Variants in LRIG1 observed in about 807,000 individuals in gnomAD.
LRIG1 encodes the protein leucine-rich repeats and immunoglobulin-like domains protein 1.
LRIG1 carries 48 observed loss-of-function variants against 99.2 expected under a neutral mutation model. The ratio of observed to expected loss-of-function variants is 0.48; its 90% confidence interval spans 0.38 to 0.62. The LOEUF (loss-of-function observed/expected upper bound fraction) is 0.62, where lower values mean the gene tolerates loss of function less well. Among genes scored for constraint, LRIG1 ranks in the 20% least tolerant of loss-of-function variants. The probability of loss-of-function intolerance (pLI) is 0.00; values close to 1 mark genes in which losing one functional copy is unlikely to be tolerated. For synonymous variants in LRIG1, 772 were observed against 596.1 expected (o/e 1.29, Z -4.30); for missense variants, 1,646 against 1,434.4 (o/e 1.15, Z -2.38).
chr3:66,389,338 G>C (rs1381017728), intron 12 of LRIG1, among the ~76,000 whole-genome samples: 2 of 152,078 alleles, frequency 1.3e-5, no homozygotes, highest in Non-Finnish European at 2.9e-5. Context: ...AGGACACATA[G>C]AAGAAATAAG....
At position 66,380,464 on chromosome 3, in the gene LRIG1, C is replaced by T. The variant is rs761100158; in HGVS notation, c.3081G>A (p.Arg1027=). 6.2e-7 allele frequency: 1 copy of T among 1,614,172 alleles called. No individual in the cohort carries two copies. The highest frequency in any genetic ancestry group is 8.5e-7 in the Non-Finnish European group (1 of 1,180,038). ...GCTCTGTGGAGTCCGGGTGATACAA[C>T]CTTGCTAAAGTCCAGGAAGAATCCC... The part of the protein sequence containing the change: ...GKGDSSWTLA[R]LYHPDSTELQ... The change falls in exon 19 of 19, where the codon AGG becomes AGA. Residue 1027 remains arginine (R), a synonymous_variant. Transcript: ENST00000273261.
chr3:66,440,447 G>A (rs3915032), intron 3 of LRIG1, among the ~76,000 whole-genome samples: 142,756 of 152,244 alleles, frequency 0.94, 67,366 homozygotes, highest in Non-Finnish European at 1. Context: ...AACAGCTCCC[G>A]TAAGAGGAAT....
At chr3:66,429,105 T>A (rs895227561) in intron 3 of LRIG1, among the ~76,000 whole-genome samples, 4 of 152,136 alleles carry the variant, frequency 2.6e-5, no homozygotes, top group African/African-American at 7.2e-5. Flanking sequence ...TCCTTTAGGG[T>A]CACCCTCCCC....
intron 9 of LRIG1, among the ~76,000 whole-genome samples, chr3:66,403,552 T>C (rs2107996302): frequency 6.6e-6 from 1 of 152,214 alleles, no homozygotes; most frequent in East Asian, 1.9e-4. Flanking sequence ...GGCTGACCTC[T>C]TGGGGCTCAG....
chr3:66,463,389 A>G (rs754617606), intron 1 of LRIG1, among the ~76,000 whole-genome samples: 3 of 152,228 alleles, frequency 2.0e-5, no homozygotes, highest in Non-Finnish European at 4.4e-5. Flanking sequence ...AGGCAGGGAA[A>G]GCCTCACATG....
In LRIG1 at chr3:66,417,278, C is replaced by T. The variant is rs372592792; in HGVS notation, c.366-12G>A. 3.1e-6 allele frequency: 5 copies of T among 1,609,632 alleles called. No homozygotes were observed. The Admixed American group carries it at 5.0e-5, about 16-fold the overall frequency. Reference sequence around the variant, plus strand: ...TCTTGTTGTGCTGCCTGAAACACAACAAGGGAGGTGACTTGAGCATCTCTT... The same window carrying T: ...TCTTGTTGTGCTGCCTGAAACACAATAAGGGAGGTGACTTGAGCATCTCTT... On this transcript the variant is annotated splice_polypyrimidine_tract_variant and intron_variant, in intron 3 of 18. Transcript: ENST00000273261.
intron 3 of LRIG1, among the ~76,000 whole-genome samples, chr3:66,427,952 G>A (rs1703035904): frequency 6.6e-6 from 1 of 152,192 alleles, no homozygotes; most frequent in South Asian, 2.1e-4. Flanking sequence ...CTGGGTTGCT[G>A]CATTAGCAGT....
intron 7 of LRIG1, 76 bp downstream of exon 7, chr3:66,410,053 A>G (rs1702413416): frequency 6.8e-7 from 1 of 1,479,008 alleles, no homozygotes; most frequent in African/African-American, 1.4e-5. Flanking sequence ...GTGTGGTGGA[A>G]CGAACCAGGC....
intron 2 of LRIG1, among the ~76,000 whole-genome samples, chr3:66,453,331 G>C (rs960505021): frequency 6.6e-6 from 1 of 152,194 alleles, no homozygotes; most frequent in Non-Finnish European, 1.5e-5. Context: ...GCCAGGCACA[G>C]CTCTAAGAGC....
At chr3:66,481,977 G>A (rs1356812668) in intron 1 of LRIG1, among the ~76,000 whole-genome samples, 1 of 152,212 alleles carries the variant, frequency 6.6e-6, no homozygotes, top group Non-Finnish European at 1.5e-5. Context: ...ACATAAATTT[G>A]TTTTAAAATA....
intron 3 of LRIG1, among the ~76,000 whole-genome samples, chr3:66,425,472 C>A (rs1325452215): frequency 6.6e-6 from 1 of 152,190 alleles, no homozygotes; most frequent in Non-Finnish European, 1.5e-5. Context: ...AAGAAAAGGG[C>A]AGTTTCTTTG....
intron 3 of LRIG1, among the ~76,000 whole-genome samples, chr3:66,446,565 C>G (rs1025669554): frequency 3.9e-5 from 6 of 151,988 alleles, no homozygotes; most frequent in Admixed American, 3.3e-4. Context: ...CCCACCACTC[C>G]TGGCTGATTT....
At chr3:66,402,358 G>T (rs926682714) in intron 9 of LRIG1, among the ~76,000 whole-genome samples, 1 of 152,184 alleles carries the variant, frequency 6.6e-6, no homozygotes, top group Non-Finnish European at 1.5e-5. Context: ...AAAGGCATGC[G>T]CTGGGGTCTA....
chr3:66,382,085 CTT>C (rs1701109806), intron 16 of LRIG1, among the ~76,000 whole-genome samples, 186 bp downstream of exon 16: 1 of 152,214 alleles, frequency 6.6e-6, no homozygotes, highest in African/African-American at 2.4e-5. Flanking sequence ...GGGGACAGGA[CTT>C]TAAAACCTTG....
At chr3:66,412,701 C>T (rs114560102) in intron 6 of LRIG1, among the ~76,000 whole-genome samples, 170 bp downstream of exon 6, 6 of 152,162 alleles carry the variant, frequency 3.9e-5, no homozygotes, top group African/African-American at 7.2e-5. Flanking sequence ...CGTGCACACG[C>T]GCACGCACAC....
intron 3 of LRIG1, among the ~76,000 whole-genome samples, chr3:66,429,558 G>A (rs1703088039): frequency 6.6e-6 from 1 of 152,196 alleles, no homozygotes; most frequent in Non-Finnish European, 1.5e-5. Flanking sequence ...AACTGCCAGA[G>A]GCTGGGTAGA....
At chr3:66,462,545 C>G (rs1375496698) in intron 1 of LRIG1, 36 bp from the exon 2 acceptor site, 1 of 1,441,950 alleles carries the variant, frequency 6.9e-7, no homozygotes, top group Non-Finnish European at 9.7e-7. Flanking sequence ...ACGGAATCAA[C>G]AACCTGGCAT....
chr3:66,415,037 G>A lies in LRIG1; in HGVS notation c.530C>T (p.Thr177Ile). 1 of 1,605,542 alleles carries A rather than the reference G, an allele frequency of 6.2e-7. No individual in the cohort carries two copies. The highest frequency in any genetic ancestry group is 8.5e-7 in the Non-Finnish European group (1 of 1,177,124). The stretch of plus-strand genomic sequence containing the variant: ...ACCATCAAATGCTCCCAACTCCAGG[G>A]TGCCAATCCGATTGCCTGCCAGGTT... Reference protein sequence around the residue: ...ELNLAGNRIGTLELGAFDGLS... With the variant: ...ELNLAGNRIGILELGAFDGLS... The change falls in exon 5 of 19, where the codon ACC (threonine) becomes ATC (isoleucine). Residue 177 changes from threonine to isoleucine, a missense_variant. Transcript: ENST00000273261.
chr3:66,387,347 G>GC lies in LRIG1; in HGVS notation c.1469-1047_1469-1046insG. 1.3e-5 allele frequency: 2 copies of GC among 152,198 alleles called. 1 individual carries two copies. The allele number at this position is 152,198 out of a possible 1,614,324, so 9.4% of individuals were successfully genotyped here. On this transcript the variant is annotated intron_variant, in intron 12 of 18. Coordinates refer to ENST00000273261, the MANE Select transcript of LRIG1 (RefSeq NM_015541.3). ...GTGAGGGGGTCCTCATTTGTCACCT[G>GC]TGGCTGAGCATGACTGTCTACACAA...
Sources: gnomAD v4.1 joint callset for allele counts (sites outside exome capture counted in the v4.1 genomes callset) on GRCh38, gnomAD v4.1.1 for gene constraint, MANE v1.5 for transcripts, NCBI Gene and HGNC (gene_info 2026-07-23, HGNC 2026-07-21) for gene names.